The following PLEKHG5 variants were observed in gnomAD, a reference collection of about 807,000 sequenced individuals.
PLEKHG5 encodes pleckstrin homology domain-containing family G member 5.
PLEKHG5 carries 52 observed loss-of-function variants against 103.8 expected under a neutral mutation model. That is an observed-to-expected ratio of 0.50 (90% CI 0.40 to 0.63). The LOEUF (loss-of-function observed/expected upper bound fraction) is 0.63, where lower values mean the gene tolerates loss of function less well. Among genes scored for constraint, PLEKHG5 ranks in the 30% least tolerant of loss-of-function variants. PLEKHG5 has a pLI of 0.00. For synonymous variants in PLEKHG5, 592 were observed against 575.5 expected, an observed-to-expected ratio of 1.03 and a Z score of -0.41; for missense variants, 1,205 against 1,347.6, an observed-to-expected ratio of 0.89 and a Z score of 1.66.
At chr1:6,491,676 C>G (rs1645153264), upstream of PLEKHG5, 1 of 985,688 alleles carries the variant, frequency 1.0e-6, no homozygotes, top group Non-Finnish European at 1.2e-6. This position sits in a 1 kb window ranked among gnomAD's most constrained non-coding sequence, Gnocchi z 4.1. Flanking sequence ...TCAGGTCCAC[C>G]CTTTCCTCTC....
chr1:6,478,335 GTGTT>G (rs1455315683), intron 1 of PLEKHG5, among the ~76,000 whole-genome samples: 2 of 152,014 alleles, frequency 1.3e-5, no homozygotes, highest in Non-Finnish European at 2.9e-5. Flanking sequence ...CCATAGGCGA[GTGTT>G]TGTATTTTTT....
rs1557737418 is a variant in PLEKHG5, at chr1:6,469,324, T to C, written c.2049+11A>G. 1.2e-5 allele frequency: 19 copies of C among 1,613,336 alleles called. No individual in the cohort carries two copies. Among genetic ancestry groups the C allele is most frequent in the Non-Finnish European group, 1.6e-5 (19 of 1,179,288 alleles). ...TCTGCCTTGCCCACCCACTCACTAC[T>C]CTGCACTCACCTGGGCATTGTAAAT... On this transcript the variant is annotated intron_variant, in intron 18 of 20. Coordinates refer to ENST00000377728, the MANE Select transcript of PLEKHG5 (RefSeq NM_020631.6).
chr1:6,471,087 A>C lies in PLEKHG5; in HGVS notation c.1295T>G (p.Phe432Cys). ...LKGFKMFGSL[F>C]KPYIRYCMEE... is the part of the protein sequence containing the mutation. ...CATGCAGTAGCGGATGTAGGGCTTG[A>C]AGAGCGAGCCGAACTGGCCCGGGGC... Residue 432 changes from phenylalanine (F) to cysteine (C), a missense_variant, in exon 13 of 21, where the codon TTC becomes TGC. Transcript: ENST00000377728. The C allele has an allele frequency of 1.3e-6, 2 of 1,587,104 alleles. No homozygotes were observed. Among genetic ancestry groups the C allele is most frequent in the Non-Finnish European group, 1.7e-6 (2 of 1,167,962 alleles).
At position 6,471,534 on chromosome 1, in the gene PLEKHG5, G is replaced by T; in HGVS notation, c.1235C>A (p.Thr412Lys). Reference protein sequence around the residue: ...MAPVLEKARRTRALLQPGDFL... With the variant: ...MAPVLEKARRKRALLQPGDFL... ...GTCCCCGGGCTGTAGCAGCGCTCGC[G>T]TGCGCCGCGCCTTCTCCAGCACCGG... Residue 412 changes from threonine (T) to lysine (K), a missense_variant, in exon 12 of 21, where the codon ACG becomes AAG. By Grantham distance (78) the Thr-to-Lys change is moderately conservative (BLOSUM62 -1). Coordinates refer to ENST00000377728, the MANE Select transcript of PLEKHG5 (RefSeq NM_020631.6). The T allele has an allele frequency of 6.2e-7, 1 of 1,609,452 alleles. No homozygotes were observed. Among genetic ancestry groups the T allele is most frequent in the Non-Finnish European group, 8.5e-7 (1 of 1,178,662 alleles).
At chr1:6,496,853 TG>T, upstream of PLEKHG5, 3 of 689,482 alleles carry the variant, frequency 4.4e-6, no homozygotes, top group Non-Finnish European at 6.9e-6. Flanking sequence ...GGGGGACAAG[TG>T]GGGGAGCGCT....
intron 1 of PLEKHG5, among the ~76,000 whole-genome samples, chr1:6,481,109 AC>A (rs1644885920): frequency 6.6e-6 from 1 of 152,086 alleles, no homozygotes; most frequent in Non-Finnish European, 1.5e-5. Flanking sequence ...TGGCCTCAAA[AC>A]TGGCCTCACT....
chr1:6,469,153 T>G lies in PLEKHG5; in HGVS notation c.2138A>C (p.Glu713Ala), dbSNP rs1241363420. The stretch of plus-strand genomic sequence containing the variant: ...CTCCTCCTCCTCCTCCTCCTCTTCC[T>G]CCTCCTGCTCATCCTCCTCCTCTTC... ...SLEEEEDEQE[E>A]EEEEEEEEEE... is the part of the protein sequence containing the mutation. The change falls in exon 19 of 21, where the codon GAG becomes GCG. Residue 713 changes from glutamate to alanine, a missense_variant. By Grantham distance (107) the Glu-to-Ala change is moderately radical. Coordinates refer to ENST00000377728, the MANE Select transcript of PLEKHG5 (RefSeq NM_020631.6). The G allele has an allele frequency of 4.3e-6, 7 of 1,612,670 alleles. No individual in the cohort carries two copies. The highest frequency in any genetic ancestry group is 5.9e-6 in the Non-Finnish European group (7 of 1,179,650).
At position 6,491,292 on chromosome 1, in the gene PLEKHG5, T is replaced by C. The variant is rs1354378513; in HGVS notation, c.-88+345A>G. On this transcript the variant is annotated intron_variant, in intron 1 of 20. Coordinates refer to ENST00000377728, the MANE Select transcript of PLEKHG5 (RefSeq NM_020631.6). The surrounding 1 kb of genome is among the most constrained non-coding windows in gnomAD (Gnocchi z 4.1). ...ACCTGTTCCGCACTTTCAAGCTTTT[T>C]ATACAGCCTTCCCCCGACCCCTTCC... Among the ~76,000 whole-genome samples, 1 of 152,098 alleles carries C rather than the reference T, an allele frequency of 6.6e-6. No homozygotes were observed. The highest frequency in any genetic ancestry group is 1.5e-5 in the Non-Finnish European group (1 of 68,014).
intron 1 of PLEKHG5, among the ~76,000 whole-genome samples, chr1:6,518,452 C>T (rs1427565807): frequency 6.7e-6 from 1 of 149,550 alleles, no homozygotes; most frequent in Non-Finnish European, 1.5e-5. Flanking sequence ...CCCAGCTACT[C>T]GGGAGGCTGA....
In PLEKHG5 at chr1:6,470,905, C is replaced by CG. The variant is rs111312565; in HGVS notation, c.1393-22dup. The CG allele has an allele frequency of 1, 1,550,966 of 1,551,038 alleles. 775,447 individuals carry two copies. Among genetic ancestry groups the CG allele is most frequent in the Middle Eastern group, 1 (5,630 of 5,630 alleles). On this transcript the variant is annotated intron_variant, in intron 13 of 20. Coordinates refer to ENST00000377728, the MANE Select transcript of PLEKHG5 (RefSeq NM_020631.6). ...GCCCACTGCGGTGGGGGAGTGGGGG[C>CG]GGGCTCAGGGCAGGCCCCGCCCCAC...
At chr1:6,467,682 C>T in intron 20 of PLEKHG5, 110 bp from the exon 21 acceptor site, 4 of 1,457,538 alleles carry the variant, frequency 2.7e-6, no homozygotes, top group Non-Finnish European at 3.8e-6. Context: ...CTGCTGCCCA[C>T]CACAGCCCCC....
chr1:6,503,699 C>T (rs1003231463), intron 1 of PLEKHG5, among the ~76,000 whole-genome samples: 4 of 152,164 alleles, frequency 2.6e-5, no homozygotes, highest in African/African-American at 9.7e-5. Context: ...CATAAGCCAC[C>T]GTGCCCGGCC....
At position 6,467,413 on chromosome 1, in the gene PLEKHG5, G is replaced by A. The variant is rs1224610853; in HGVS notation, c.*150C>T. The A allele has an allele frequency of 2.5e-5, 22 of 862,850 alleles. No homozygotes were observed. Among genetic ancestry groups the A allele is most frequent in the Middle Eastern group, 2.7e-4 (1 of 3,714 alleles). The allele number at this position is 862,850 out of a possible 1,614,324, so 53.4% of individuals were successfully genotyped here. ...TCCACTCCATCCAGTCCGGCAAAGC[G>A]CAAATCGGGCCCGGGCGTAGGCAGG... is the stretch of plus-strand genomic sequence containing the variant. On this transcript the variant is annotated 3_prime_UTR_variant, in exon 21 of 21. Transcript: ENST00000377728.
upstream of PLEKHG5, chr1:6,496,777 T>C: frequency 1.8e-6 from 1 of 549,118 alleles, no homozygotes; most frequent in African/African-American, 2.0e-5. Flanking sequence ...AGGGAAATTA[T>C]CCAGATTCCA....
rs187582449 is a variant in PLEKHG5, at chr1:6,487,148, C to A, written c.-88+4489G>T. Among the ~76,000 whole-genome samples the A allele has an allele frequency of 6.6e-6, 1 of 152,332 alleles. No homozygotes were observed. The highest frequency in any genetic ancestry group is 1.9e-4 in the East Asian group (1 of 5,190). On this transcript the variant is annotated intron_variant, in intron 1 of 20. Transcript: ENST00000377728. The surrounding 1 kb of genome is among the most constrained non-coding windows in gnomAD (Gnocchi z 4.1). ...TGTTTGTTTTTGAGACGGAATCTTG[C>A]TCTGTCACTCACGTTGGAGTGCAGT...
At chr1:6,494,118 ATT>A (rs36105555), upstream of PLEKHG5, among the ~76,000 whole-genome samples, 4,755 of 75,122 alleles carry the variant, frequency 0.063, 147 homozygotes, top group African/African-American at 0.2. Context: ...CACCTGGCTA[ATT>A]TTTTTTTTTT....
chr1:6,506,565 C>T (rs1638328560), intron 1 of PLEKHG5, among the ~76,000 whole-genome samples: 1 of 152,220 alleles, frequency 6.6e-6, no homozygotes, highest in African/African-American at 2.4e-5. Flanking sequence ...GCAATTCCGG[C>T]TCCCCACCCC....
chr1:6,507,252 C>T (rs939891488), intron 1 of PLEKHG5, among the ~76,000 whole-genome samples: 1 of 152,204 alleles, frequency 6.6e-6, no homozygotes, highest in African/African-American at 2.4e-5. Flanking sequence ...TCCTTCATGG[C>T]ACAGATGAGG....
chr1:6,503,999 C>G (rs906194688), intron 1 of PLEKHG5, among the ~76,000 whole-genome samples: 1 of 152,204 alleles, frequency 6.6e-6, no homozygotes, highest in Non-Finnish European at 1.5e-5. Context: ...CCCACTTTGC[C>G]CCACCCTGCC....
Sources: gnomAD v4.1 joint callset for allele counts (sites outside exome capture counted in the v4.1 genomes callset) on GRCh38, gnomAD v4.1.1 for gene constraint, Gnocchi (gnomAD v3.1) non-coding constraint, MANE v1.5 for transcripts, NCBI Gene and HGNC (gene_info 2026-07-23, HGNC 2026-07-21) for gene names.